Variants in DCHS2 observed in about 807,000 individuals in gnomAD.
DCHS2 encodes protocadherin-23.
A neutral mutation model predicts 182.4 loss-of-function variants in DCHS2; 142 were observed. The observed-to-expected ratio is 0.78, with a 90% CI of 0.68 to 0.89. The LOEUF is 0.89. DCHS2 is among the 40% of genes least tolerant of loss of function. The probability of loss-of-function intolerance (pLI) is 0.00; values close to 1 mark genes in which losing one functional copy is unlikely to be tolerated. For synonymous variants in DCHS2, 1,740 were observed against 1,663.3 expected (o/e 1.05, Z -1.12); for missense variants, 4,319 against 4,198.6 (o/e 1.03, Z -0.79).
intron 1 of DCHS2, among the ~76,000 whole-genome samples, chr4:154,451,425 C>A (rs1400427173): frequency 6.6e-6 from 1 of 152,148 alleles, no homozygotes; most frequent in Admixed American, 6.5e-5. Context: ...CAGTAATCCA[C>A]TATCAAATGG....
intron 1 of DCHS2, among the ~76,000 whole-genome samples, chr4:154,438,788 A>G (rs1295977678): frequency 6.6e-6 from 1 of 152,014 alleles, no homozygotes; most frequent in African/African-American, 2.4e-5. Flanking sequence ...TTTTCCTTTT[A>G]CTTAATTATG....
At chr4:154,344,887 A>G (rs1729286893) in intron 3 of DCHS2, among the ~76,000 whole-genome samples, 1 of 152,188 alleles carries the variant, frequency 6.6e-6, no homozygotes, top group African/African-American at 2.4e-5. Context: ...TAATCCAAGG[A>G]GGCCTGGTGA....
intron 7 of DCHS2, chr4:154,322,861 A>G (rs1736122518): frequency 4.1e-6 from 1 of 242,870 alleles, no homozygotes; most frequent in Non-Finnish European, 7.9e-6. Context: ...TTCAAAATGC[A>G]TCTTTAAAAA....
At position 154,305,113 on chromosome 4, in the gene DCHS2, T is replaced by C. The variant is rs780930392; in HGVS notation, c.5379A>G (p.Glu1793=). Residue 1793 remains glutamate (E), a synonymous_variant, in exon 11 of 20, where the codon GAA becomes GAG. Coordinates refer to ENST00000357232, the MANE Select transcript of DCHS2 (RefSeq NM_001358235.2). ...TTTILDREIQ[E]VFTLRVLVRD... is the part of the protein sequence containing the mutation. ...ATCCCTTACCTCGAAGGGTGAAGAC[T>C]TCTTGAATTTCTCTGTCAAGTATGG... 1 of 1,610,512 alleles carries C rather than the reference T, an allele frequency of 6.2e-7. No homozygotes were observed.
chr4:154,377,579 ATC>A, intron 1 of DCHS2, 135 bp from the exon 2 acceptor site: 1 of 614,204 alleles, frequency 1.6e-6, no homozygotes, highest in Non-Finnish European at 2.7e-6. Flanking sequence ...TTGGTTTCAT[ATC>A]TCTCTCCTCG....
At chr4:154,448,595 GC>G (rs1460660146) in intron 1 of DCHS2, among the ~76,000 whole-genome samples, 1 of 152,126 alleles carries the variant, frequency 6.6e-6, no homozygotes, top group African/African-American at 2.4e-5. Context: ...CTTCACTCAT[GC>G]CCCTGACCTC....
At chr4:154,472,600 TTC>T (rs1420951098) in intron 1 of DCHS2, among the ~76,000 whole-genome samples, 4 of 152,238 alleles carry the variant, frequency 2.6e-5, no homozygotes, top group African/African-American at 9.6e-5. Flanking sequence ...GAAAGACTCA[TTC>T]TCTCACCAAA....
intron 16 of DCHS2, 118 bp downstream of exon 16, chr4:154,255,401 C>A: frequency 7.6e-7 from 1 of 1,321,204 alleles, no homozygotes; most frequent in Non-Finnish European, 9.9e-7. Context: ...CAAGTTGGAT[C>A]AAAGGGATAA....
intron 1 of DCHS2, among the ~76,000 whole-genome samples, chr4:154,389,705 A>G (rs920851384): frequency 2.0e-5 from 3 of 151,792 alleles, no homozygotes; most frequent in Non-Finnish European, 4.4e-5. Context: ...TTTAATCGAG[A>G]TCCTTTTAAC....
rs149487506 is a variant in DCHS2, at chr4:154,341,553, A to T, written c.2477-6449T>A. On this transcript the variant is annotated intron_variant, in intron 3 of 19. Transcript: ENST00000357232. ...TCTTAGAAGTAGAGACCATCACTCTATATACTGTATATGTATCGTAATGCA... is the reference window on the plus strand; with the variant it reads ...TCTTAGAAGTAGAGACCATCACTCTTTATACTGTATATGTATCGTAATGCA... 8.2e-3 allele frequency among the ~76,000 whole-genome samples: 1,247 copies of T among 152,082 alleles called. 18 individuals carry two copies. Among genetic ancestry groups the T allele is most frequent in the African/African-American group, 0.028 (1,180 of 41,522 alleles).
chr4:154,381,227 T>C (rs1376020223), intron 1 of DCHS2, among the ~76,000 whole-genome samples: 1 of 152,124 alleles, frequency 6.6e-6, no homozygotes, highest in East Asian at 1.9e-4. Context: ...CTGATACTTT[T>C]CACTGTAAAC....
chr4:154,464,814 A>G (rs1553955622), intron 1 of DCHS2, among the ~76,000 whole-genome samples: 1 of 151,950 alleles, frequency 6.6e-6, no homozygotes, highest in Non-Finnish European at 1.5e-5. Flanking sequence ...GCCCTGCTGG[A>G]CTCCCTCACT....
chr4:154,350,275 G>A (rs1490279638), intron 3 of DCHS2, among the ~76,000 whole-genome samples: 2 of 152,108 alleles, frequency 1.3e-5, no homozygotes, highest in African/African-American at 2.4e-5. Flanking sequence ...ACCTTAACAT[G>A]AAAGCTCTCA....
At chr4:154,334,559 T>G (rs571905484) in intron 4 of DCHS2, 4 of 244,546 alleles carry the variant, frequency 1.6e-5, no homozygotes, top group Admixed American at 5.0e-5. Context: ...GTCAAAAATT[T>G]GTAAATTGTG....
At chr4:154,364,333 GT>G (rs1730254347) in intron 3 of DCHS2, among the ~76,000 whole-genome samples, 1 of 152,172 alleles carries the variant, frequency 6.6e-6, no homozygotes, top group Non-Finnish European at 1.5e-5. Context: ...TGACGAGTGT[GT>G]GAATGTCTTT....
intron 1 of DCHS2, among the ~76,000 whole-genome samples, chr4:154,399,105 T>C (rs1043352649): frequency 6.6e-6 from 1 of 152,232 alleles, no homozygotes; most frequent in East Asian, 1.9e-4. Context: ...TTTCATGATA[T>C]CTGTCTTCTG....
chr4:154,320,866 C>T lies in DCHS2; in HGVS notation c.4533G>A (p.Gln1511=). 1 of 1,614,054 alleles carries T rather than the reference C, an allele frequency of 6.2e-7. No homozygotes were observed. Among genetic ancestry groups the T allele is most frequent in the South Asian group, 1.1e-5 (1 of 91,084 alleles). The change falls in exon 9 of 20, where the codon CAG becomes CAA. Residue 1511 remains glutamine, a synonymous_variant. Coordinates refer to ENST00000357232, the MANE Select transcript of DCHS2 (RefSeq NM_001358235.2). ...CTACACTGATCACAATGAGCTCATCCTGGAAAGATGGGGAATGGTCATTCT... is the reference window on the plus strand; with the variant it reads ...CTACACTGATCACAATGAGCTCATCTTGGAAAGATGGGGAATGGTCATTCT... ...EDQNDHSPSF[Q]DELIVISVEE...
rs147645073 is a variant in DCHS2 at position 154,333,302 on chromosome 4, A to C, written c.2906T>G (p.Val969Gly). The change falls in exon 5 of 20, where the codon GTC becomes GGC. Residue 969 changes from valine (V) to glycine (G), a missense_variant. Coordinates refer to ENST00000357232, the MANE Select transcript of DCHS2 (RefSeq NM_001358235.2). ...TGGGTGGTTGTCATTGACATCCATG[A>C]CTGTTATGTTGACCTCGGTGCTGCT... ...ACSSTEVNITVMDVNDNHPAF... is the reference protein window; with the variant it reads ...ACSSTEVNITGMDVNDNHPAF... The C allele has an allele frequency of 4.3e-4, 692 of 1,614,182 alleles. 16 individuals carry two copies. In the South Asian group the frequency reaches 6.3e-3, roughly 15 times the overall value.
chr4:154,337,326 G>T (rs1482239798), intron 3 of DCHS2, among the ~76,000 whole-genome samples: 1 of 152,108 alleles, frequency 6.6e-6, no homozygotes, highest in Non-Finnish European at 1.5e-5. Flanking sequence ...AAGATTTTAT[G>T]TTGAGCCCTG....
Sources: gnomAD v4.1 joint callset for allele counts (sites outside exome capture counted in the v4.1 genomes callset) on GRCh38, gnomAD v4.1.1 for gene constraint, MANE v1.5 for transcripts, NCBI Gene and HGNC (gene_info 2026-07-23, HGNC 2026-07-21) for gene names.